Variants in SCNN1B observed in about 807,000 individuals in gnomAD.
SCNN1B encodes epithelial sodium channel subunit beta.
Under a neutral mutation model 65.3 loss-of-function variants are expected in SCNN1B, and 46 were observed. That is an observed-to-expected ratio of 0.70 (90% CI 0.56 to 0.90). SCNN1B has a LOEUF of 0.90. SCNN1B is among the 40% of genes least tolerant of loss of function. The pLI is 0.00. For synonymous variants in SCNN1B, 349 were observed against 330.6 expected, an observed-to-expected ratio of 1.06 and a Z score of -0.60; for missense variants, 751 against 830.5, an observed-to-expected ratio of 0.90 and a Z score of 1.18.
Position 23,380,763 on chromosome 16 carries a change from G to A in SCNN1B, c.1885G>A (p.Asp629Asn). The change falls in exon 13 of 13, where the codon GAC (aspartate) becomes AAC (asparagine). Residue 629 changes from aspartate (D) to asparagine (N), a missense_variant. Physicochemically the swap from Asp to Asn is conservative, Grantham distance 23 (BLOSUM62 1). Coordinates refer to ENST00000343070, the MANE Select transcript of SCNN1B (RefSeq NM_000336.3). This position sits in a 1 kb window ranked among gnomAD's most constrained non-coding sequence, Gnocchi z 5.4. The part of the protein sequence containing the change: ...NYDSLRLQPL[D>N]VIESDSEGDA... Reference sequence around the variant, plus strand: ...TGACTCCCTGCGTCTGCAGCCGCTGGACGTCATCGAGTCTGACAGTGAGGG... The same window carrying A: ...TGACTCCCTGCGTCTGCAGCCGCTGAACGTCATCGAGTCTGACAGTGAGGG... The A allele has an allele frequency of 1.2e-6, 2 of 1,612,618 alleles. No homozygotes were observed. The highest frequency in any genetic ancestry group is 2.2e-5 in the South Asian group (2 of 91,048).
intron 1 of SCNN1B, among the ~76,000 whole-genome samples, chr16:23,326,083 A>G (rs1401436799): frequency 6.6e-6 from 1 of 151,864 alleles, no homozygotes; most frequent in Non-Finnish European, 1.5e-5. Flanking sequence ...TCTAAAATAA[A>G]CAAAACAAAA....
intron 8 of SCNN1B, 99 bp from the exon 9 acceptor site, chr16:23,377,066 G>A (rs1475575719): frequency 9.5e-7 from 1 of 1,057,144 alleles, no homozygotes; most frequent in African/African-American, 1.6e-5. Flanking sequence ...TAACCACAGG[G>A]CCAGGAGAGC....
chr16:23,292,457 G>A (rs201358219), intron 2 of SCNN1B, among the ~76,000 whole-genome samples: 6 of 151,536 alleles, frequency 4.0e-5, no homozygotes, highest in Non-Finnish European at 7.4e-5. Flanking sequence ...TTGGCCTCCC[G>A]AAGTGCTGGG....
chr16:23,373,931 C>T lies in SCNN1B; in HGVS notation c.1153-1807C>T, dbSNP rs531695237. 6.6e-5 allele frequency among the ~76,000 whole-genome samples: 10 copies of T among 152,278 alleles called. No homozygotes were observed. In the East Asian group the frequency reaches 1.9e-3, roughly 29 times the overall value. On this transcript the variant is annotated intron_variant, in intron 7 of 12. Transcript: ENST00000343070. ...TCCAGGAAAACTGCATCTCTCGTTT[C>T]TTCCGGTGTGGTAGCCACCCAGGCC...
intron 4 of SCNN1B, chr16:23,358,313 T>C (rs1466246217): frequency 1.3e-5 from 2 of 152,180 alleles, no homozygotes; most frequent in African/African-American, 4.8e-5. Flanking sequence ...ATTGGCCACA[T>C]AACTTCTGCC....
intron 11 of SCNN1B, among the ~76,000 whole-genome samples, chr16:23,379,389 T>C (rs1022199869): frequency 6.6e-6 from 1 of 152,058 alleles, no homozygotes; most frequent in African/African-American, 2.4e-5. Flanking sequence ...CCCCCTACTC[T>C]AGGAGTACAG....
intron 1 of SCNN1B, among the ~76,000 whole-genome samples, chr16:23,325,661 T>G (rs959938121): frequency 6.6e-6 from 1 of 152,044 alleles, no homozygotes; most frequent in African/African-American, 2.4e-5. Context: ...CATCCGATCT[T>G]AACTTCTTAT....
intron 1 of SCNN1B, among the ~76,000 whole-genome samples, chr16:23,309,118 G>C (rs1961283393): frequency 6.6e-6 from 1 of 152,154 alleles, no homozygotes; most frequent in Admixed American, 6.5e-5. Context: ...CTCGGTCCTG[G>C]AGCTTGGAAG....
At chr16:23,323,992 G>A (rs1176431823) in intron 1 of SCNN1B, among the ~76,000 whole-genome samples, 2 of 152,106 alleles carry the variant, frequency 1.3e-5, no homozygotes, top group Non-Finnish European at 2.9e-5. Context: ...AGGATGCTGA[G>A]AGCTTTATAT....
At chr16:23,325,455 C>T (rs936925259) in intron 1 of SCNN1B, among the ~76,000 whole-genome samples, 2 of 151,776 alleles carry the variant, frequency 1.3e-5, no homozygotes, top group Non-Finnish European at 2.9e-5. Context: ...TCAGTAGAGA[C>T]GGGATTTCAC....
intron 4 of SCNN1B, among the ~76,000 whole-genome samples, chr16:23,357,303 A>G (rs1280796224): frequency 1.3e-5 from 2 of 152,206 alleles, no homozygotes; most frequent in Non-Finnish European, 2.9e-5. Context: ...CACAGGTGCA[A>G]CCGGACATGT....
rs1251766587 is a variant in SCNN1B, at chr16:23,366,370, TTTTTA to T, written c.777-1471_777-1467del. Reference sequence around the variant, plus strand: ...ACAGACACTCACCACTACTCCTGGCTTTTTATTTTATTTTATTTTTTATTTTTTGT... The same window carrying T: ...ACAGACACTCACCACTACTCCTGGCTTTTTATTTTATTTTTTATTTTTTGT... On this transcript the variant is annotated intron_variant, in intron 4 of 12. Coordinates refer to ENST00000343070, the MANE Select transcript of SCNN1B (RefSeq NM_000336.3). Among the ~76,000 whole-genome samples, 4 of 143,324 alleles carry T rather than the reference TTTTTA, an allele frequency of 2.8e-5. No individual in the cohort carries two copies. In the South Asian group the frequency reaches 6.6e-4, roughly 24 times the overall value. The allele number at this position is 143,324 out of a possible 152,430, so 94.0% of individuals were successfully genotyped here.
chr16:23,336,519 G>A (rs72654316), intron 1 of SCNN1B, among the ~76,000 whole-genome samples: 4,973 of 152,050 alleles, frequency 0.033, 285 homozygotes, highest in African/African-American at 0.11. Flanking sequence ...CCACAGATGC[G>A]TGCCACCATG....
At chr16:23,365,483 A>AAAGAAGAAGAAAAGAAAGAAAAAG (rs58306088) in intron 4 of SCNN1B, among the ~76,000 whole-genome samples, 1 of 145,656 alleles carries the variant, frequency 6.9e-6, no homozygotes, top group African/African-American at 2.6e-5. Flanking sequence ...AGAGAAAGAA[A>AAAGAAGAAGAAAAGAAAGAAAAAG]AAGAAGAAAA....
intron 1 of SCNN1B, among the ~76,000 whole-genome samples, chr16:23,281,395 T>C (rs1960781995): frequency 1.3e-5 from 2 of 152,114 alleles, no homozygotes; most frequent in Non-Finnish European, 2.9e-5. Context: ...ACCACACCAT[T>C]GCACTCCAGC....
At chr16:23,333,577 C>T (rs1019413808) in intron 1 of SCNN1B, among the ~76,000 whole-genome samples, 14 of 152,308 alleles carry the variant, frequency 9.2e-5, no homozygotes, top group South Asian at 6.2e-4. Flanking sequence ...ACTTACTTTG[C>T]GACGGGCACT....
At chr16:23,324,241 G>C (rs149918532) in intron 1 of SCNN1B, among the ~76,000 whole-genome samples, 3 of 150,318 alleles carry the variant, frequency 2.0e-5, no homozygotes, top group African/African-American at 7.4e-5. Flanking sequence ...AGGGTGGAGT[G>C]CAGCGGTACA....
At chr16:23,307,058 G>A (rs1248228510) in intron 1 of SCNN1B, among the ~76,000 whole-genome samples, 1 of 152,122 alleles carries the variant, frequency 6.6e-6, no homozygotes, top group African/African-American at 2.4e-5. Context: ...CCAAAATCTT[G>A]CAGTGGGTCA....
chr16:23,336,411 C>A (rs1463956838), intron 1 of SCNN1B, among the ~76,000 whole-genome samples: 1 of 145,564 alleles, frequency 6.9e-6, no homozygotes, highest in South Asian at 2.2e-4. Flanking sequence ...CTCGCTCTGT[C>A]GCCAGGCTGG....
Sources: allele counts gnomAD v4.1 joint callset (sites outside exome capture counted in the v4.1 genomes callset), GRCh38; gene constraint gnomAD v4.1.1; non-coding constraint Gnocchi (gnomAD v3.1); transcripts MANE v1.5; gene names NCBI Gene and HGNC (gene_info 2026-07-23, HGNC 2026-07-21).